Variants in CCDC7 observed in about 807,000 individuals in gnomAD.
CCDC7 encodes the protein coiled-coil domain-containing protein 7.
In CCDC7, 183 loss-of-function variants were observed where a neutral mutation model predicts 196.9. The observed-to-expected ratio is 0.93, with a 90% CI of 0.82 to 1.05. The LOEUF is 1.05. Ranked by LOEUF, CCDC7 falls within the 50% of genes least tolerant of loss-of-function variation. The pLI is 0.00. For missense variants in CCDC7, 1,540 were observed against 1,482.2 expected (o/e 1.04, Z -0.64); for synonymous variants, 525 against 484.6 (o/e 1.08, Z -1.10).
intron 14 of CCDC7, among the ~76,000 whole-genome samples, chr10:32,566,205 A>G (rs1368469442): frequency 3.3e-5 from 5 of 152,184 alleles, no homozygotes; most frequent in African/African-American, 9.7e-5. Context: ...ACGTACTTCT[A>G]TTATCAAAAA....
At chr10:32,618,316 C>T (rs2063001936) in intron 18 of CCDC7, among the ~76,000 whole-genome samples, 1 of 150,882 alleles carries the variant, frequency 6.6e-6, no homozygotes, top group South Asian at 2.1e-4. Context: ...CTCTTTTTGT[C>T]TTTGTGGTTT....
intron 9 of CCDC7, among the ~76,000 whole-genome samples, chr10:32,501,937 CCA>C (rs2044116059): frequency 6.6e-6 from 1 of 152,184 alleles, no homozygotes; most frequent in Admixed American, 6.5e-5. Flanking sequence ...GAAGCTGTGC[CCA>C]CAGTCGCCCC....
At chr10:32,637,890 T>A (rs1440145213) in intron 20 of CCDC7, among the ~76,000 whole-genome samples, 4 of 152,190 alleles carry the variant, frequency 2.6e-5, no homozygotes, top group Non-Finnish European at 5.9e-5. Flanking sequence ...TTTATTTGTA[T>A]CCTCTTTTAT....
chr10:32,578,276 G>A (rs1455740993), intron 16 of CCDC7, among the ~76,000 whole-genome samples: 1 of 152,054 alleles, frequency 6.6e-6, no homozygotes, highest in African/African-American at 2.4e-5. Flanking sequence ...TAAAGCAGCA[G>A]TTTCCTGCCT....
At chr10:32,470,464 T>A (rs937869931) in intron 5 of CCDC7, among the ~76,000 whole-genome samples, 2 of 152,202 alleles carry the variant, frequency 1.3e-5, no homozygotes. Flanking sequence ...TTAAGTAAAC[T>A]TATTACCTAG....
At chr10:32,805,366 G>C (rs1182864535) in intron 30 of CCDC7, among the ~76,000 whole-genome samples, 1 of 152,190 alleles carries the variant, frequency 6.6e-6, no homozygotes, top group East Asian at 1.9e-4. Flanking sequence ...CTTGGGACAA[G>C]TATGTTCAAA....
At chr10:32,597,907 G>GC (rs371641484) in intron 18 of CCDC7, among the ~76,000 whole-genome samples, 4 of 152,238 alleles carry the variant, frequency 2.6e-5, no homozygotes, top group Non-Finnish European at 4.4e-5. Flanking sequence ...GGTGTCAGTC[G>GC]CCCCCCTACT....
intron 25 of CCDC7, among the ~76,000 whole-genome samples, chr10:32,717,410 A>G (rs1312996148): frequency 6.6e-6 from 1 of 152,232 alleles, no homozygotes; most frequent in Admixed American, 6.5e-5. Context: ...ATAGCACTAA[A>G]TGCCCACATG....
intron 13 of CCDC7, among the ~76,000 whole-genome samples, chr10:32,552,574 A>G (rs750428428): frequency 6.6e-6 from 1 of 152,170 alleles, no homozygotes; most frequent in Non-Finnish European, 1.5e-5. Context: ...TTGTTTCAAG[A>G]TTCAGAGCTC....
intron 9 of CCDC7, among the ~76,000 whole-genome samples, chr10:32,509,516 CAA>C (rs35897485): frequency 3.3e-4 from 46 of 139,448 alleles, no homozygotes; most frequent in East Asian, 8.6e-4. Flanking sequence ...GACATTACAC[CAA>C]AAAAAAAAAA....
intron 28 of CCDC7, among the ~76,000 whole-genome samples, chr10:32,735,380 T>A (rs2084690334): frequency 6.6e-6 from 1 of 152,204 alleles, no homozygotes; most frequent in Non-Finnish European, 1.5e-5. Context: ...GCTTTGGATT[T>A]TAGCCATTCT....
At chr10:32,656,139 C>T (rs904157506) in intron 20 of CCDC7, among the ~76,000 whole-genome samples, 11 of 152,072 alleles carry the variant, frequency 7.2e-5, no homozygotes, top group East Asian at 3.8e-4. Flanking sequence ...TTTTTCCCTA[C>T]GTTTTCTTCT....
At position 32,547,914 on chromosome 10, in the gene CCDC7, A is replaced by G. The variant is rs567332013; in HGVS notation, c.1134+3613A>G. On this transcript the variant is annotated intron_variant, in intron 13 of 41. Coordinates refer to ENST00000639629, the Ensembl canonical transcript of CCDC7. ...TCATCCAAGCAGTATACACTGCACC[A>G]TATTTGTAGTCTTTTATCCCTCGCC... Among the ~76,000 whole-genome samples the G allele has an allele frequency of 2.8e-4, 43 of 152,212 alleles. 1 individual carries two copies. The highest frequency in any genetic ancestry group is 2.5e-3 in the Admixed American group (38 of 15,296).
At chr10:32,685,976 A>G in exon 22 of CCDC7, 3 of 1,551,490 alleles carry the variant, frequency 1.9e-6, no homozygotes, top group African/African-American at 1.4e-5. Context: ...GTAGCTCATA[A>G]TGAAGTACCA....
At chr10:32,840,939 A>T (rs2092933322) in intron 33 of CCDC7, among the ~76,000 whole-genome samples, 1 of 152,092 alleles carries the variant, frequency 6.6e-6, no homozygotes, top group African/African-American at 2.4e-5. Flanking sequence ...GAAGCACTTG[A>T]CAGAATCCAG....
chr10:32,645,431 T>A (rs547294359), intron 20 of CCDC7, among the ~76,000 whole-genome samples: 65 of 152,266 alleles, frequency 4.3e-4, no homozygotes, highest in African/African-American at 1.6e-3. Flanking sequence ...TGTTAGTCTT[T>A]TGTTGAAAAA....
At chr10:32,583,302 A>G in exon 17 of CCDC7, 2 of 1,230,232 alleles carry the variant, frequency 1.6e-6, no homozygotes, top group Non-Finnish European at 2.0e-6. Context: ...TACAGAAAGT[A>G]AAAAGGTATG....
At chr10:32,515,040 C>T (rs1211608385) in intron 9 of CCDC7, among the ~76,000 whole-genome samples, 1 of 152,064 alleles carries the variant, frequency 6.6e-6, no homozygotes, top group Non-Finnish European at 1.5e-5. Context: ...TGCCTAGGCT[C>T]GTCTTGAACT....
chr10:32,649,970 A>C (rs2140127638), intron 20 of CCDC7, among the ~76,000 whole-genome samples: 1 of 152,194 alleles, frequency 6.6e-6, no homozygotes, highest in East Asian at 1.9e-4. Flanking sequence ...GATCTCAATG[A>C]GCTTCTTTGC....
Sources: allele counts gnomAD v4.1 joint callset (sites outside exome capture counted in the v4.1 genomes callset), GRCh38; gene constraint gnomAD v4.1.1; transcripts MANE v1.5; gene names NCBI Gene and HGNC (gene_info 2026-07-23, HGNC 2026-07-21).